SAMMSON: variants seen among roughly 807,000 people sequenced by gnomAD.
SAMMSON encodes the protein long intergenic non-protein coding RNA 1212.
At chr3:70,086,457 C>G (rs920276254) in intron 4 of SAMMSON, among the ~76,000 whole-genome samples, 3 of 152,230 alleles carry the variant, frequency 2.0e-5, no homozygotes, top group African/African-American at 7.2e-5. Context: ...TAATTTTACT[C>G]TGGCATGGTT....
At chr3:70,011,065 C>T (rs145108642) in intron 1 of SAMMSON, among the ~76,000 whole-genome samples, 2,680 of 152,144 alleles carry the variant, frequency 0.018, 34 homozygotes, top group Middle Eastern at 0.037. Context: ...GTATACTGCC[C>T]TGGTTTTTAT....
chr3:70,277,392 T>C (rs561791317), intron 6 of SAMMSON, among the ~76,000 whole-genome samples: 52 of 152,206 alleles, frequency 3.4e-4, no homozygotes, highest in Non-Finnish European at 6.8e-4. Flanking sequence ...ACACAGGCAC[T>C]CTAATGATTA....
intron 6 of SAMMSON, among the ~76,000 whole-genome samples, chr3:70,251,224 C>G (rs983676960): frequency 5.3e-5 from 8 of 152,180 alleles, no homozygotes; most frequent in African/African-American, 9.6e-5. Flanking sequence ...ATTACTGTCT[C>G]AGAATTTTGA....
rs948904838 is a variant in SAMMSON at position 70,040,985 on chromosome 3, A to T, written n.417+27313A>T. On this transcript the variant is annotated intron_variant and non_coding_transcript_variant, in intron 3 of 9. Coordinates refer to ENST00000642114, the Ensembl canonical transcript of SAMMSON. ...TGAATGGTAACTGAGGAGGACTGCT[A>T]AACTCTCAGCGAGCTCCTTTGACGT... 2.6e-5 allele frequency among the ~76,000 whole-genome samples: 4 copies of T among 152,264 alleles called. No homozygotes were observed. In the South Asian group the frequency reaches 8.3e-4, roughly 32 times the overall value.
intron 2 of SAMMSON, among the ~76,000 whole-genome samples, chr3:70,418,016 A>G (rs930558807): frequency 2.6e-5 from 4 of 152,182 alleles, no homozygotes; most frequent in African/African-American, 9.7e-5. Context: ...AATCCAGGTT[A>G]GGTCATCCCT....
At chr3:70,331,809 T>A (rs183966955) in intron 7 of SAMMSON, among the ~76,000 whole-genome samples, 13 of 152,336 alleles carry the variant, frequency 8.5e-5, no homozygotes, top group Admixed American at 5.9e-4. Flanking sequence ...CACAGAAGAC[T>A]GTCATATTCA....
chr3:70,017,044 G>A (rs1449891759), intron 3 of SAMMSON, among the ~76,000 whole-genome samples: 1 of 152,020 alleles, frequency 6.6e-6, no homozygotes, highest in Admixed American at 6.6e-5. Flanking sequence ...TTGTTCTTTT[G>A]GCTTAGGATT....
chr3:70,221,492 C>T (rs1308826012), intron 4 of SAMMSON, among the ~76,000 whole-genome samples: 1 of 152,070 alleles, frequency 6.6e-6, no homozygotes, highest in Non-Finnish European at 1.5e-5. Flanking sequence ...CTCTTAACCA[C>T]CGTGATATAT....
chr3:70,410,640 G>A (rs1701210679), intron 2 of SAMMSON, among the ~76,000 whole-genome samples: 2 of 152,112 alleles, frequency 1.3e-5, no homozygotes, highest in South Asian at 4.1e-4. Flanking sequence ...TTATAAAGTG[G>A]CAATAAAATT....
chr3:70,075,765 T>A (rs922893187), intron 4 of SAMMSON, among the ~76,000 whole-genome samples: 2 of 152,136 alleles, frequency 1.3e-5, no homozygotes, highest in African/African-American at 4.8e-5. Context: ...CATAGCGCAG[T>A]ATAGTGGATT....
At chr3:70,160,167 T>A (rs998780565) in intron 4 of SAMMSON, among the ~76,000 whole-genome samples, 4 of 150,860 alleles carry the variant, frequency 2.7e-5, no homozygotes, top group African/African-American at 7.3e-5. Context: ...ATTTATTAAT[T>A]TTTTTTGTTT....
intron 7 of SAMMSON, among the ~76,000 whole-genome samples, chr3:70,335,457 A>C (rs1044583442): frequency 6.6e-6 from 1 of 151,966 alleles, no homozygotes; most frequent in African/African-American, 2.4e-5. Context: ...ATTTTATCTA[A>C]GTTTTTTTTA....
At chr3:70,340,134 T>G (rs903873086) in intron 7 of SAMMSON, among the ~76,000 whole-genome samples, 8 of 150,886 alleles carry the variant, frequency 5.3e-5, no homozygotes, top group African/African-American at 1.7e-4. Flanking sequence ...AACCATCATT[T>G]TGGGCAAACA....
At chr3:70,409,435 A>C (rs2106767721) in intron 2 of SAMMSON, among the ~76,000 whole-genome samples, 1 of 152,236 alleles carries the variant, frequency 6.6e-6, no homozygotes, top group African/African-American at 2.4e-5. Context: ...AAGAGAGAGA[A>C]GAAAAGCCTC....
chr3:70,410,379 A>G (rs559287911), intron 2 of SAMMSON, among the ~76,000 whole-genome samples: 2 of 152,170 alleles, frequency 1.3e-5, no homozygotes, highest in Non-Finnish European at 2.9e-5. Context: ...TGGGCTTTTC[A>G]TCCCCTAAGA....
At chr3:70,072,024 A>G (rs1370036206) in intron 4 of SAMMSON, 2 of 151,952 alleles carry the variant, frequency 1.3e-5, no homozygotes, top group African/African-American at 2.4e-5. Flanking sequence ...ACTCGTGTCA[A>G]AAATATTCAG....
intron 4 of SAMMSON, among the ~76,000 whole-genome samples, chr3:70,180,745 G>C (rs1234762489): frequency 2.0e-5 from 3 of 152,148 alleles, no homozygotes; most frequent in South Asian, 2.1e-4. Flanking sequence ...CCAACAATGG[G>C]ATATACAGTG....
At chr3:70,299,218 A>G (rs1337296823) in intron 7 of SAMMSON, among the ~76,000 whole-genome samples, 3 of 152,162 alleles carry the variant, frequency 2.0e-5, no homozygotes, top group Non-Finnish European at 4.4e-5. Flanking sequence ...CAGTAAATCT[A>G]TGTTTATTGC....
intron 4 of SAMMSON, among the ~76,000 whole-genome samples, chr3:70,115,210 CAA>C (rs11456109): frequency 6.8e-5 from 8 of 117,502 alleles, no homozygotes; most frequent in Non-Finnish European, 8.9e-5. Context: ...CTCTATTTTC[CAA>C]AAAAAAAAAA....
Sources: allele counts gnomAD v4.1 joint callset (sites outside exome capture counted in the v4.1 genomes callset), GRCh38; gene constraint gnomAD v4.1.1; transcripts MANE v1.5; gene names NCBI Gene and HGNC (gene_info 2026-07-23, HGNC 2026-07-21).